Variants in DIP2C observed in about 807,000 individuals in gnomAD.
DIP2C encodes the protein disco-interacting protein 2 homolog C.
Under a neutral mutation model 192.4 loss-of-function variants are expected in DIP2C, and 33 were observed. That is an observed-to-expected ratio of 0.17 (90% CI 0.13 to 0.23). The LOEUF (loss-of-function observed/expected upper bound fraction) is 0.23, where lower values mean the gene tolerates loss of function less well. Ranked by LOEUF, DIP2C falls within the 10% of genes least tolerant of loss-of-function variation. The pLI is 1.00. For synonymous variants in DIP2C, 979 were observed against 864.1 expected, an observed-to-expected ratio of 1.13 and a Z score of -2.33; for missense variants, 1,537 against 2,110.1, an observed-to-expected ratio of 0.73 and a Z score of 5.32.
chr10:569,491 C>T (rs559763605), intron 1 of DIP2C, among the ~76,000 whole-genome samples: 2 of 152,276 alleles, frequency 1.3e-5, no homozygotes, highest in African/African-American at 4.8e-5. Context: ...AATGAACTAG[C>T]TCAAACTCAA....
At chr10:534,001 TA>T (rs34809873) in intron 1 of DIP2C, among the ~76,000 whole-genome samples, 8,969 of 148,516 alleles carry the variant, frequency 0.06, 626 homozygotes, top group African/African-American at 0.17. Flanking sequence ...TGACATGCTT[TA>T]AAAAAAAAAA....
At chr10:579,673 A>C (rs550125338) in intron 1 of DIP2C, among the ~76,000 whole-genome samples, 2 of 152,248 alleles carry the variant, frequency 1.3e-5, no homozygotes, top group East Asian at 3.9e-4. Flanking sequence ...TAGTGTATGT[A>C]CGTAAGTGCA....
At chr10:348,520 T>C in intron 26 of DIP2C, 121 bp downstream of exon 26, 1 of 1,496,386 alleles carries the variant, frequency 6.7e-7, no homozygotes, top group South Asian at 1.3e-5. Flanking sequence ...ACCGTTTGAC[T>C]CCAGACACAC....
intron 33 of DIP2C, among the ~76,000 whole-genome samples, chr10:287,689 AGTCTT>A: frequency 6.9e-6 from 1 of 145,646 alleles, no homozygotes; most frequent in East Asian, 2.0e-4. Context: ...AAAAAAAAAG[AGTCTT>A]TATTTAGGTG....
intron 9 of DIP2C, among the ~76,000 whole-genome samples, chr10:404,150 T>C (rs1453832581): frequency 1.3e-5 from 2 of 152,200 alleles, no homozygotes; most frequent in Non-Finnish European, 2.9e-5. Flanking sequence ...TATGTGTTCA[T>C]CAGCACGTGA....
intron 4 of DIP2C, among the ~76,000 whole-genome samples, chr10:424,870 C>T (rs990323672): frequency 4.6e-5 from 7 of 152,214 alleles, no homozygotes; most frequent in South Asian, 2.1e-4. Flanking sequence ...GATATAGACA[C>T]TCAACATAAT....
chr10:409,208 G>A (rs1204054854), intron 8 of DIP2C, among the ~76,000 whole-genome samples, 191 bp from the exon 9 acceptor site: 2 of 151,934 alleles, frequency 1.3e-5, no homozygotes, highest in Non-Finnish European at 2.9e-5. Flanking sequence ...AAGTAGAAAA[G>A]CATCAGGGAT....
chr10:323,357 A>T (rs1483548896), intron 31 of DIP2C, among the ~76,000 whole-genome samples: 1 of 108,348 alleles, frequency 9.2e-6, no homozygotes, highest in African/African-American at 3.8e-5. Flanking sequence ...GGCTCCAGCG[A>T]GAGACCGGCG....
At chr10:583,471 A>C (rs1181808182) in intron 1 of DIP2C, among the ~76,000 whole-genome samples, 1 of 152,232 alleles carries the variant, frequency 6.6e-6, no homozygotes, top group Non-Finnish European at 1.5e-5. Context: ...GCATTCTCCT[A>C]GTGAACTTTC....
chr10:478,997 T>G (rs1011156829), intron 2 of DIP2C, among the ~76,000 whole-genome samples: 4 of 152,164 alleles, frequency 2.6e-5, no homozygotes, highest in African/African-American at 9.7e-5. Context: ...CACAGAGGCC[T>G]CCACAGGAGT....
At chr10:342,592 G>C (rs543266321) in intron 28 of DIP2C, among the ~76,000 whole-genome samples, 1 of 152,338 alleles carries the variant, frequency 6.6e-6, no homozygotes, top group African/African-American at 2.4e-5. Flanking sequence ...GCAGCATGTG[G>C]CCAGCAAGAC....
chr10:414,737 G>GTATATATATATATA lies in DIP2C; in HGVS notation c.860-628_860-627insTATATATATATATA, dbSNP rs1213629573. 2.8e-3 allele frequency among the ~76,000 whole-genome samples: 155 copies of GTATATATATATATA among 55,794 alleles called. 2 individuals carry two copies. Among genetic ancestry groups the GTATATATATATATA allele is most frequent in the African/African-American group, 5.8e-3 (102 of 17,638 alleles). 36.6% of individuals were successfully genotyped at this position (55,794 alleles called of 152,430 possible). ...TGTGTGTGTGTGTGTGTGTGTGTGT[G>GTATATATATATATA]TGTACATATATATATATATAATGTG... is the stretch of plus-strand genomic sequence containing the variant. On this transcript the variant is annotated intron_variant, in intron 7 of 36. Coordinates refer to ENST00000280886, the MANE Select transcript of DIP2C (RefSeq NM_014974.3).
intron 14 of DIP2C, among the ~76,000 whole-genome samples, chr10:386,839 T>C (rs989995420): frequency 6.6e-6 from 1 of 152,152 alleles, no homozygotes; most frequent in African/African-American, 2.4e-5. Flanking sequence ...TTACCACATA[T>C]GAAACAGATG....
At chr10:281,860 A>T (rs1490191351) in intron 35 of DIP2C, among the ~76,000 whole-genome samples, 1 of 152,234 alleles carries the variant, frequency 6.6e-6, no homozygotes, top group East Asian at 1.9e-4. Context: ...TAGAGCCAGG[A>T]AATTTATTTC....
intron 1 of DIP2C, among the ~76,000 whole-genome samples, chr10:592,663 CAA>C (rs1169933553): frequency 6.6e-6 from 1 of 152,074 alleles, no homozygotes; most frequent in Non-Finnish European, 1.5e-5. Flanking sequence ...TAGAAAAAAG[CAA>C]AATAATGACA....
chr10:409,316 G>T (rs917032072), intron 8 of DIP2C, among the ~76,000 whole-genome samples: 1 of 152,216 alleles, frequency 6.6e-6, no homozygotes, highest in South Asian at 2.1e-4. Context: ...GGGTGGCGAG[G>T]GGGGGCGCGG....
intron 6 of DIP2C, among the ~76,000 whole-genome samples, chr10:416,112 G>T (rs1045688579): frequency 4.6e-5 from 7 of 151,960 alleles, no homozygotes; most frequent in African/African-American, 1.7e-4. Flanking sequence ...CACGTTCCAG[G>T]ATGTGCTGTT....
intron 1 of DIP2C, among the ~76,000 whole-genome samples, chr10:555,205 C>G (rs982446512): frequency 2.0e-5 from 3 of 148,928 alleles, no homozygotes; most frequent in Non-Finnish European, 3.0e-5. Flanking sequence ...TTTTTTTTCC[C>G]AAGCCATTAC....
intron 1 of DIP2C, among the ~76,000 whole-genome samples, chr10:553,748 C>T (rs563837446): frequency 1.1e-4 from 17 of 150,044 alleles, no homozygotes; most frequent in East Asian, 8.0e-4. Context: ...ACTGTAACAG[C>T]GGCAAACAGG....
Sources: allele counts gnomAD v4.1 joint callset (sites outside exome capture counted in the v4.1 genomes callset), GRCh38; gene constraint gnomAD v4.1.1; transcripts MANE v1.5; gene names NCBI Gene and HGNC (gene_info 2026-07-23, HGNC 2026-07-21).